ENTREP2: variants seen among roughly 807,000 people sequenced by gnomAD.
ENTREP2 encodes protein ENTREP2.
the ENTREP2 span, among the ~76,000 whole-genome samples, chr15:29,457,956 C>T: frequency 1.3e-5 from 2 of 152,164 alleles, no homozygotes; most frequent in African/African-American, 4.8e-5. Context: ...AGAGCCCAGG[C>T]CTGGCAAGGA....
the ENTREP2 span, among the ~76,000 whole-genome samples, chr15:29,619,373 A>G: frequency 1.3e-5 from 2 of 152,314 alleles, no homozygotes; most frequent in Admixed American, 1.3e-4. Context: ...AGCCTGGGTG[A>G]CAGAGCGAGA....
chr15:29,577,669 G>A, the ENTREP2 span, among the ~76,000 whole-genome samples: 3 of 152,094 alleles, frequency 2.0e-5, no homozygotes, highest in African/African-American at 7.2e-5. Flanking sequence ...TATTCCAAAG[G>A]TGGAAGCAAA....
chr15:29,636,422 C>T, the ENTREP2 span, among the ~76,000 whole-genome samples: 18 of 152,196 alleles, frequency 1.2e-4, no homozygotes, highest in Non-Finnish European at 2.1e-4. Flanking sequence ...AGGAGGAACC[C>T]GTGGGGCACA....
chr15:29,408,921 C>T, the ENTREP2 span, among the ~76,000 whole-genome samples: 4 of 152,130 alleles, frequency 2.6e-5, no homozygotes, highest in Non-Finnish European at 4.4e-5. Context: ...AATATGCATA[C>T]CTAAAATACA....
the ENTREP2 span, among the ~76,000 whole-genome samples, chr15:29,133,075 C>T: frequency 6.6e-6 from 1 of 152,190 alleles, no homozygotes; most frequent in Non-Finnish European, 1.5e-5. Flanking sequence ...CTGGCTACAG[C>T]ATGGAGCTTC....
chr15:29,568,556 T>C, the ENTREP2 span, among the ~76,000 whole-genome samples: 1 of 151,860 alleles, frequency 6.6e-6, no homozygotes, highest in Non-Finnish European at 1.5e-5. Flanking sequence ...TTTTTAGTAT[T>C]AGCCAGGCAT....
chr15:29,403,581 T>C, the ENTREP2 span, among the ~76,000 whole-genome samples: 1 of 152,214 alleles, frequency 6.6e-6, no homozygotes, highest in African/African-American at 2.4e-5. Flanking sequence ...CAATAGGAAC[T>C]GAAGCTGTCT....
At chr15:29,625,302 G>A in the ENTREP2 span, among the ~76,000 whole-genome samples, 1 of 152,148 alleles carries the variant, frequency 6.6e-6, no homozygotes, top group African/African-American at 2.4e-5. Context: ...TCCACTGTTT[G>A]GTTATTATGA....
the ENTREP2 span, among the ~76,000 whole-genome samples, chr15:29,168,957 A>G: frequency 1.5e-4 from 23 of 152,234 alleles, no homozygotes; most frequent in Non-Finnish European, 3.1e-4. Flanking sequence ...AATTGCCTAC[A>G]TGATCATCTG....
the ENTREP2 span, among the ~76,000 whole-genome samples, chr15:29,439,738 C>T: frequency 1.3e-5 from 2 of 152,184 alleles, no homozygotes; most frequent in Admixed American, 6.5e-5. Flanking sequence ...AATTCTTTGA[C>T]ACGCTCTCCC....
the ENTREP2 span, among the ~76,000 whole-genome samples, chr15:29,314,684 C>A: frequency 2.0e-5 from 3 of 152,220 alleles, no homozygotes; most frequent in Admixed American, 1.3e-4. Flanking sequence ...GGAACTAAAC[C>A]TGCAATATCT....
At chr15:29,151,642 CG>C in the ENTREP2 span, 1 of 1,005,658 alleles carries the variant, frequency 9.9e-7, no homozygotes, top group Non-Finnish European at 1.5e-6. Flanking sequence ...TGTCAGGGGC[CG>C]CTGTCCTCAC....
the ENTREP2 span, among the ~76,000 whole-genome samples, chr15:29,462,159 C>T: frequency 1.3e-5 from 2 of 152,290 alleles, no homozygotes; most frequent in East Asian, 1.9e-4. Flanking sequence ...CATCAATGGA[C>T]GCTTGGGTTG....
At chr15:29,540,794 A>C in the ENTREP2 span, among the ~76,000 whole-genome samples, 1 of 152,188 alleles carries the variant, frequency 6.6e-6, no homozygotes, top group Admixed American at 6.5e-5. Context: ...ATCTGCACCA[A>C]CCAGGGATCA....
At chr15:29,446,991 C>A in the ENTREP2 span, among the ~76,000 whole-genome samples, 1 of 152,170 alleles carries the variant, frequency 6.6e-6, no homozygotes, top group Non-Finnish European at 1.5e-5. Context: ...AACTGACCAG[C>A]AATCTTAATT....
the ENTREP2 span, chr15:29,117,714 A>G: frequency 6.4e-6 from 1 of 157,148 alleles, no homozygotes. Flanking sequence ...CCACAACATG[A>G]AAACTCCATA....
chr15:29,552,078 T>G, the ENTREP2 span, among the ~76,000 whole-genome samples: 420 of 152,302 alleles, frequency 2.8e-3, no homozygotes, highest in African/African-American at 9.3e-3. Context: ...TTGGACAGCA[T>G]GGAGTGGGAA....
the ENTREP2 span, among the ~76,000 whole-genome samples, chr15:29,284,538 C>G: frequency 2.2e-5 from 3 of 135,004 alleles, no homozygotes; most frequent in Admixed American, 1.6e-4. Flanking sequence ...GCCTGGGTGA[C>G]AGAGAGAGAC....
the ENTREP2 span, among the ~76,000 whole-genome samples, chr15:29,417,590 A>G: frequency 2.0e-5 from 3 of 152,134 alleles, no homozygotes; most frequent in African/African-American, 4.8e-5. Flanking sequence ...ACATGTATAC[A>G]TATGTAACAA....
Sources: allele counts gnomAD v4.1 joint callset (sites outside exome capture counted in the v4.1 genomes callset), GRCh38; gene constraint gnomAD v4.1.1; transcripts MANE v1.5; gene names NCBI Gene and HGNC (gene_info 2026-07-23, HGNC 2026-07-21).